The following CLMP variants were observed in gnomAD, a reference collection of about 807,000 sequenced individuals.
CLMP encodes CXADR like cell adhesion molecule.
In CLMP, 27 loss-of-function variants were observed where a neutral mutation model predicts 45.2. That is an observed-to-expected ratio of 0.60 (90% CI 0.44 to 0.82). The LOEUF is 0.82. CLMP is among the 40% of genes least tolerant of loss of function. The probability of loss-of-function intolerance (pLI) is 0.00; values close to 1 mark genes in which losing one functional copy is unlikely to be tolerated. For synonymous variants in CLMP, 167 were observed against 171.4 expected, an observed-to-expected ratio of 0.97 and a Z score of 0.20; for missense variants, 403 against 448.4, an observed-to-expected ratio of 0.90 and a Z score of 0.91.
intron 1 of CLMP, among the ~76,000 whole-genome samples, chr11:123,175,463 A>G (rs1861686502): frequency 6.6e-6 from 1 of 151,006 alleles, no homozygotes; most frequent in Non-Finnish European, 1.5e-5. Context: ...CTCCCTTGAC[A>G]GGTGGGGATT....
At chr11:123,076,169 A>T (rs978961783) in intron 5 of CLMP, among the ~76,000 whole-genome samples, 3 of 152,146 alleles carry the variant, frequency 2.0e-5, no homozygotes, top group Admixed American at 2.0e-4. Flanking sequence ...AAAAAAAAAA[A>T]ATTTTGAGTA....
At chr11:123,107,071 T>A (rs1224286123) in intron 1 of CLMP, among the ~76,000 whole-genome samples, 2 of 151,364 alleles carry the variant, frequency 1.3e-5, no homozygotes. Context: ...CATTTTTTTT[T>A]TTTGAGACAG....
intron 1 of CLMP, among the ~76,000 whole-genome samples, chr11:123,165,075 G>C (rs761370340): frequency 6.6e-6 from 1 of 152,172 alleles, no homozygotes; most frequent in Non-Finnish European, 1.5e-5. Flanking sequence ...CAGGCTACGC[G>C]TCTGATAAAA....
At chr11:123,170,692 C>T (rs901849597) in intron 1 of CLMP, among the ~76,000 whole-genome samples, 19 of 152,150 alleles carry the variant, frequency 1.2e-4, no homozygotes, top group African/African-American at 4.1e-4. Flanking sequence ...CCACCCCGCT[C>T]GGCCTCCCAA....
intron 1 of CLMP, among the ~76,000 whole-genome samples, chr11:123,101,377 G>A (rs1866057820): frequency 6.6e-6 from 1 of 152,224 alleles, no homozygotes; most frequent in African/African-American, 2.4e-5. Context: ...AAAGTGCTGG[G>A]ATTACAGGCA....
intron 1 of CLMP, among the ~76,000 whole-genome samples, chr11:123,172,047 T>C (rs1351900059): frequency 6.6e-6 from 1 of 152,198 alleles, no homozygotes; most frequent in African/African-American, 2.4e-5. Context: ...CATTATATTA[T>C]GAGCATTTAT....
intron 2 of CLMP, among the ~76,000 whole-genome samples, chr11:123,087,516 TAAAATG>T (rs1865879265): frequency 6.8e-6 from 1 of 147,480 alleles, no homozygotes; most frequent in South Asian, 2.2e-4. Context: ...CTCAAAAAAA[TAAAATG>T]AAATAAATAA....
At position 123,071,576 on chromosome 11, in the gene CLMP, T is replaced by G. The variant is rs114901619; in HGVS notation, c.*1898A>C. ...CTGTCTCTATCAGAACTCCAAAAAT[T>G]AGCTGGGTGTGATGGCAGGCACCTG... On this transcript the variant is annotated 3_prime_UTR_variant, in exon 7 of 7. Transcript: ENST00000448775. The G allele has an allele frequency of 0.087, 13,189 of 151,994 alleles. 1,239 individuals are homozygous for G. Among genetic ancestry groups the G allele is most frequent in the African/African-American group, 0.23 (9,542 of 41,400 alleles). 9.4% of individuals were successfully genotyped at this position (151,994 alleles called of 1,614,324 possible).
chr11:123,093,010 C>T (rs1009979075), intron 2 of CLMP, among the ~76,000 whole-genome samples: 4 of 150,638 alleles, frequency 2.7e-5, no homozygotes, highest in African/African-American at 7.3e-5. Flanking sequence ...CAGGTTCAAG[C>T]GATTCTCCTG....
At chr11:123,100,982 C>T (rs1866051542) in intron 1 of CLMP, among the ~76,000 whole-genome samples, 1 of 152,072 alleles carries the variant, frequency 6.6e-6, no homozygotes, top group Admixed American at 6.6e-5. Context: ...GCAGAAATAC[C>T]TTGGGGAACA....
chr11:123,073,735 G>C lies in CLMP; in HGVS notation c.861C>G (p.Pro287=), dbSNP rs746631557. The change falls in exon 7 of 7, where the codon CCC becomes CCG. Residue 287 remains proline, a synonymous_variant. Transcript: ENST00000448775. ...TCCGAGAGCCTGAGGAAGAGGAGCT[G>C]GGTTTCACAAGACGGGCTTTTGGAG... ...AEAPKARLVK[P]SSSSSGSRSS... is the part of the protein sequence containing the mutation. 1 of 1,610,110 alleles carries C rather than the reference G, an allele frequency of 6.2e-7. No homozygotes were observed. Among genetic ancestry groups the C allele is most frequent in the Admixed American group, 1.7e-5 (1 of 59,160 alleles).
intron 1 of CLMP, among the ~76,000 whole-genome samples, chr11:123,166,984 A>T (rs1861566940): frequency 6.6e-6 from 1 of 152,226 alleles, no homozygotes; most frequent in Non-Finnish European, 1.5e-5. Flanking sequence ...TCCTTGGCTA[A>T]TGTGGATCAT....
intron 1 of CLMP, among the ~76,000 whole-genome samples, chr11:123,169,847 C>T (rs1326593449): frequency 7.9e-5 from 12 of 152,050 alleles, no homozygotes; most frequent in Non-Finnish European, 5.9e-5. Context: ...GGTTTGTGGG[C>T]GGTGCCTCCA....
chr11:123,084,633 G>A lies in CLMP; in HGVS notation c.267C>T (p.Phe89=), dbSNP rs2135469544. 1.2e-6 allele frequency: 2 copies of A among 1,614,214 alleles called. No individual in the cohort carries two copies. The highest frequency in any genetic ancestry group is 1.6e-4 in the Middle Eastern group (1 of 6,062). Residue 89 remains phenylalanine (F), a synonymous_variant, in exon 3 of 7, where the codon TTC becomes TTT. Transcript: ENST00000448775. ...QKGRVAFASN[F]LAGDASLQIE... is the part of the protein sequence containing the mutation. ...TCTGCAAGGAGGCATCTCCTGCCAGGAAATTGGAAGCAAAGGCCACTCGGC... is the reference window on the plus strand; with the variant it reads ...TCTGCAAGGAGGCATCTCCTGCCAGAAAATTGGAAGCAAAGGCCACTCGGC...
At chr11:123,164,588 G>A (rs1861532917) in intron 1 of CLMP, among the ~76,000 whole-genome samples, 1 of 151,706 alleles carries the variant, frequency 6.6e-6, no homozygotes, top group African/African-American at 2.4e-5. Flanking sequence ...AAAGATGTGA[G>A]CCACCATGCC....
chr11:123,077,822 T>A (rs1455677677), intron 5 of CLMP, among the ~76,000 whole-genome samples: 1 of 152,114 alleles, frequency 6.6e-6, no homozygotes, highest in Non-Finnish European at 1.5e-5. Flanking sequence ...TGGAAAATAA[T>A]ATATCTCAGT....
At chr11:123,136,770 T>C (rs893336578) in intron 1 of CLMP, among the ~76,000 whole-genome samples, 2 of 151,758 alleles carry the variant, frequency 1.3e-5, no homozygotes, top group African/African-American at 4.8e-5. Flanking sequence ...GGTTTTACCA[T>C]GTTGGCCAGG....
chr11:123,160,279 CAAAAAAAAA>C (rs67087501), intron 1 of CLMP, among the ~76,000 whole-genome samples: 2 of 46,670 alleles, frequency 4.3e-5, no homozygotes, highest in Non-Finnish European at 7.0e-5. Context: ...GACTCTGTCT[CAAAAAAAAA>C]AAAAAAAAAA....
chr11:123,140,068 C>G (rs1861132956), intron 1 of CLMP, among the ~76,000 whole-genome samples: 1 of 152,038 alleles, frequency 6.6e-6, no homozygotes, highest in South Asian at 2.1e-4. Context: ...GGAATAACTG[C>G]TAGAATGAGA....
Sources: gnomAD v4.1 joint callset for allele counts (sites outside exome capture counted in the v4.1 genomes callset) on GRCh38, gnomAD v4.1.1 for gene constraint, MANE v1.5 for transcripts, NCBI Gene and HGNC (gene_info 2026-07-23, HGNC 2026-07-21) for gene names.